EIF5B: variants seen among roughly 807,000 people sequenced by gnomAD.
EIF5B encodes the protein eIF-5B.
EIF5B carries 47 observed loss-of-function variants against 147.5 expected under a neutral mutation model. The observed-to-expected ratio is 0.32, with a 90% CI of 0.25 to 0.41. The LOEUF (loss-of-function observed/expected upper bound fraction) is 0.41. EIF5B is among the 10% of genes least tolerant of loss of function. EIF5B has a pLI of 1.00. For synonymous variants in EIF5B, 455 were observed against 456.2 expected (o/e 1.00, Z 0.03); for missense variants, 1,064 against 1,413.2 (o/e 0.75, Z 3.96).
In EIF5B at chr2:99,396,916, A is replaced by G; in HGVS notation, c.3393+18A>G. On this transcript the variant is annotated intron_variant, in intron 22 of 23. Transcript: ENST00000289371. ...GCAAAAATGTAAGTTCTAGTTGTAC[A>G]TTCTGTGGGTCATTTCTTAAAGCAC... is the stretch of plus-strand genomic sequence containing the variant. The G allele has an allele frequency of 6.3e-7, 1 of 1,585,358 alleles. No homozygotes were observed. Among genetic ancestry groups the G allele is most frequent in the Non-Finnish European group, 8.5e-7 (1 of 1,170,894 alleles).
At chr2:99,337,916 T>G (rs1003186698) in intron 1 of EIF5B, among the ~76,000 whole-genome samples, 2 of 152,230 alleles carry the variant, frequency 1.3e-5, no homozygotes, top group Non-Finnish European at 2.9e-5. Flanking sequence ...AGTGTGAGTT[T>G]TTTTCCGCGC....
chr2:99,337,389 A>G lies in EIF5B; in HGVS notation c.-166A>G, dbSNP rs2105330210. 1.2e-6 allele frequency: 1 copy of G among 821,414 alleles called. No individual in the cohort carries two copies. The highest frequency in any genetic ancestry group is 1.6e-5 in the South Asian group (1 of 64,164). The allele number at this position is 821,414 out of a possible 1,614,324, so 50.9% of individuals were successfully genotyped here. ...CGATGCGCTTGCGCACTGAGAACTCACACCATATGTGTCCTGTTCCAGTGC... is the reference window on the plus strand; with the variant it reads ...CGATGCGCTTGCGCACTGAGAACTCGCACCATATGTGTCCTGTTCCAGTGC... On this transcript the variant is annotated 5_prime_UTR_variant, in exon 1 of 24. Coordinates refer to ENST00000289371, the MANE Select transcript of EIF5B (RefSeq NM_015904.4).
At chr2:99,381,519 G>A (rs1004981275) in intron 12 of EIF5B, among the ~76,000 whole-genome samples, 1 of 65,464 alleles carries the variant, frequency 1.5e-5, no homozygotes, top group East Asian at 1.2e-3. Flanking sequence ...CAAAAAGGGG[G>A]TGTGTGTGTG....
intron 1 of EIF5B, among the ~76,000 whole-genome samples, chr2:99,353,670 G>A (rs1674032026): frequency 6.6e-6 from 1 of 152,090 alleles, no homozygotes; most frequent in Admixed American, 6.6e-5. Context: ...TCTCCTTCCT[G>A]TACTCCCTAC....
intron 1 of EIF5B, among the ~76,000 whole-genome samples, chr2:99,345,892 C>G (rs1355620265): frequency 2.0e-5 from 3 of 148,390 alleles, no homozygotes; most frequent in African/African-American, 7.5e-5. Context: ...TGCAGTGAGC[C>G]ATGTTTGTGC....
In EIF5B at chr2:99,361,437, G is replaced by A; in HGVS notation, c.536G>A (p.Arg179Lys). ...AGTAAAAAAATTAAAGAGCGTTCAA[G>A]AATAAATTCTTCTGGTGAAAGTGGT... is the stretch of plus-strand genomic sequence containing the variant. ...DNSKKIKERSRINSSGESGDE... is the reference protein window; with the variant it reads ...DNSKKIKERSKINSSGESGDE... The change falls in exon 4 of 24, where the codon AGA (arginine) becomes AAA (lysine). Residue 179 changes from arginine (R) to lysine (K), a missense_variant. Coordinates refer to ENST00000289371, the MANE Select transcript of EIF5B (RefSeq NM_015904.4). 1.2e-6 allele frequency: 2 copies of A among 1,613,926 alleles called. No individual in the cohort carries two copies. Among genetic ancestry groups the A allele is most frequent in the Non-Finnish European group, 1.7e-6 (2 of 1,179,982 alleles).
At chr2:99,347,505 GT>G (rs939152579) in intron 1 of EIF5B, among the ~76,000 whole-genome samples, 2,350 of 141,762 alleles carry the variant, frequency 0.017, 65 homozygotes, top group African/African-American at 0.054. Context: ...GCATTTTTCA[GT>G]TTTTTTTTTT....
Position 99,360,224 on chromosome 2 carries a change from TTTTCA to T in EIF5B, c.36-8_36-4del. Reference sequence around the variant, plus strand: ...TTAAGTAGCATTTAGGATGTTTTTGTTTTCATTTAAGCACCAAGGATGACATTGAT... The same window carrying T: ...TTAAGTAGCATTTAGGATGTTTTTGTTTTAAGCACCAAGGATGACATTGAT... On this transcript the variant is annotated splice_region_variant and splice_polypyrimidine_tract_variant and intron_variant, in intron 1 of 23. Coordinates refer to ENST00000289371, the MANE Select transcript of EIF5B (RefSeq NM_015904.4). 1 of 1,569,882 alleles carries T rather than the reference TTTTCA, an allele frequency of 6.4e-7. No individual in the cohort carries two copies. Among genetic ancestry groups the T allele is most frequent in the Non-Finnish European group, 8.6e-7 (1 of 1,167,022 alleles).
chr2:99,370,261 TA>T (rs540794954), intron 8 of EIF5B, among the ~76,000 whole-genome samples: 11 of 149,314 alleles, frequency 7.4e-5, no homozygotes, highest in South Asian at 2.1e-4. Context: ...TCTCTGGTTT[TA>T]AAAAAAAAAC....
intron 1 of EIF5B, among the ~76,000 whole-genome samples, chr2:99,347,403 T>A (rs1394700512): frequency 6.6e-6 from 1 of 152,244 alleles, no homozygotes; most frequent in Non-Finnish European, 1.5e-5. Context: ...TTGTTGAATC[T>A]AAATCAGGGC....
intron 6 of EIF5B, 62 bp from the exon 7 acceptor site, chr2:99,368,431 T>C: frequency 3.4e-6 from 4 of 1,187,194 alleles, no homozygotes; most frequent in Non-Finnish European, 1.2e-6. Context: ...ATCCTTTAAA[T>C]AGTACTTCTC....
intron 8 of EIF5B, 136 bp from the exon 9 acceptor site, chr2:99,371,520 T>C: frequency 1.6e-6 from 1 of 608,464 alleles, no homozygotes; most frequent in African/African-American, 1.9e-5. Context: ...GTTCTAAAGA[T>C]AATAGCTGCA....
intron 14 of EIF5B, among the ~76,000 whole-genome samples, chr2:99,386,167 C>A (rs1674802744): frequency 6.6e-6 from 1 of 152,198 alleles, no homozygotes; most frequent in Non-Finnish European, 1.5e-5. Flanking sequence ...ACTCGCCCTA[C>A]CTCCAGCATT....
chr2:99,338,772 A>G (rs2094250614), intron 1 of EIF5B, among the ~76,000 whole-genome samples: 1 of 151,834 alleles, frequency 6.6e-6, no homozygotes, highest in Non-Finnish European at 1.5e-5. Context: ...GGAATTTTTG[A>G]TGTATAGGGT....
At chr2:99,380,977 G>T (rs1674675251) in intron 12 of EIF5B, among the ~76,000 whole-genome samples, 1 of 152,174 alleles carries the variant, frequency 6.6e-6, no homozygotes, top group Non-Finnish European at 1.5e-5. Context: ...CTCGCATAAA[G>T]TATTGCTGTT....
chr2:99,363,637 T>G lies in EIF5B; in HGVS notation c.920-8T>G, dbSNP rs1674267049. On this transcript the variant is annotated splice_polypyrimidine_tract_variant and splice_region_variant and intron_variant, in intron 4 of 23. Coordinates refer to ENST00000289371, the MANE Select transcript of EIF5B (RefSeq NM_015904.4). ...ATTTCAATGCTTTGCCTTTATTCTT[T>G]TTGGTAGATGACAATGAAGGAGACA... The G allele has an allele frequency of 6.3e-7, 1 of 1,574,940 alleles. No individual in the cohort carries two copies. The highest frequency in any genetic ancestry group is 1.4e-5 in the African/African-American group (1 of 72,372).
At chr2:99,344,125 T>G (rs1275522639) in intron 1 of EIF5B, among the ~76,000 whole-genome samples, 1 of 152,030 alleles carries the variant, frequency 6.6e-6, no homozygotes, top group African/African-American at 2.4e-5. Flanking sequence ...TTCACCATGT[T>G]AGCCAGGATG....
At chr2:99,369,264 A>C (rs1290970754) in intron 7 of EIF5B, 128 bp from the exon 8 acceptor site, 1 of 527,678 alleles carries the variant, frequency 1.9e-6, no homozygotes, top group Non-Finnish European at 3.0e-6. Flanking sequence ...ACAGAGCGAG[A>C]CTCCATTTCA....
intron 14 of EIF5B, among the ~76,000 whole-genome samples, chr2:99,387,184 A>G (rs886891327): frequency 4.4e-4 from 67 of 152,218 alleles, no homozygotes; most frequent in Admixed American, 4.0e-3. Flanking sequence ...CTGGGATTTC[A>G]GGCATGAGCC....
Sources: gnomAD v4.1 joint callset for allele counts (sites outside exome capture counted in the v4.1 genomes callset) on GRCh38, gnomAD v4.1.1 for gene constraint, MANE v1.5 for transcripts, NCBI Gene and HGNC (gene_info 2026-07-23, HGNC 2026-07-21) for gene names.